Variants in TEAD3 observed in about 807,000 individuals in gnomAD.
TEAD3 encodes the protein TEA domain transcription factor 3.
TEAD3 carries 15 observed loss-of-function variants against 55.6 expected under a neutral mutation model. That is an observed-to-expected ratio of 0.27 (90% CI 0.18 to 0.42). The LOEUF (loss-of-function observed/expected upper bound fraction) is 0.42, where lower values mean the gene tolerates loss of function less well. TEAD3 is among the 10% of genes least tolerant of loss of function. TEAD3 has a pLI of 1.00. For synonymous variants in TEAD3, 210 were observed against 232.2 expected, an observed-to-expected ratio of 0.90 and a Z score of 0.87; for missense variants, 407 against 576.8, an observed-to-expected ratio of 0.71 and a Z score of 3.01.
rs371025879 is a variant in TEAD3, at chr6:35,491,263, G to A, written c.-49-4552C>T. 2.0e-5 allele frequency among the ~76,000 whole-genome samples: 3 copies of A among 151,734 alleles called. No individual in the cohort carries two copies. Among genetic ancestry groups the A allele is most frequent in the East Asian group, 3.9e-4 (2 of 5,126 alleles). ...CCACAGACTGACAGACAGAGCCGGT[G>A]GGGGGTGAAGGGAGAAGGGGAGAAG... On this transcript the variant is annotated intron_variant, in intron 1 of 12. Transcript: ENST00000639578. This position sits in a 1 kb window ranked among gnomAD's most constrained non-coding sequence, Gnocchi z 4.4.
intron 1 of TEAD3, among the ~76,000 whole-genome samples, chr6:35,492,673 A>C (rs1768552665): frequency 7.0e-6 from 1 of 142,438 alleles, no homozygotes; most frequent in Admixed American, 7.5e-5. Flanking sequence ...CCTCCTCCCC[A>C]CACTACTTGG....
At chr6:35,490,189 C>T (rs561277425) in intron 1 of TEAD3, among the ~76,000 whole-genome samples, 2 of 152,290 alleles carry the variant, frequency 1.3e-5, no homozygotes, top group South Asian at 4.1e-4. Flanking sequence ...CAGGCTGTGG[C>T]CCCCCCTTCT....
At chr6:35,493,684 C>T (rs529558929) in intron 1 of TEAD3, among the ~76,000 whole-genome samples, 2 of 152,362 alleles carry the variant, frequency 1.3e-5, no homozygotes, top group South Asian at 2.1e-4. Flanking sequence ...ATCTCACATG[C>T]TGCGTCACAA....
In TEAD3 at chr6:35,484,291, C is replaced by A. The variant is rs1022491009; in HGVS notation, c.267+269G>T. The stretch of plus-strand genomic sequence containing the variant: ...CAGCCCCGTGGGCTTATCTGTGGTC[C>A]CTGAACCACAGGCCCTGGGCAGGGT... On this transcript the variant is annotated intron_variant, in intron 3 of 12. Coordinates refer to ENST00000639578, the Ensembl canonical transcript of TEAD3. The surrounding 1 kb of genome is among the most constrained non-coding windows in gnomAD (Gnocchi z 5.8). 2.6e-5 allele frequency among the ~76,000 whole-genome samples: 4 copies of A among 152,176 alleles called. No homozygotes were observed. The highest frequency in any genetic ancestry group is 5.9e-5 in the Non-Finnish European group (4 of 68,022).
In TEAD3 at chr6:35,478,579, G is replaced by GA; in HGVS notation, c.343-9dup. The stretch of plus-strand genomic sequence containing the variant: ...GTCCTTGGAGACCTGGTCCTGGGGA[G>GA]AGGAGGCTGCATGAAGCCAGGGCCA... On this transcript the variant is annotated splice_polypyrimidine_tract_variant and intron_variant, in intron 5 of 12. Coordinates refer to ENST00000639578, the Ensembl canonical transcript of TEAD3. The GA allele has an allele frequency of 6.3e-7, 1 of 1,579,314 alleles. No individual in the cohort carries two copies. The highest frequency in any genetic ancestry group is 8.6e-7 in the Non-Finnish European group (1 of 1,162,918).
Position 35,486,474 on chromosome 6 carries a change from C to T in TEAD3, c.189G>A (p.Glu63=). 1 of 1,612,944 alleles carries T rather than the reference C, an allele frequency of 6.2e-7. No individual in the cohort carries two copies. The highest frequency in any genetic ancestry group is 8.5e-7 in the Non-Finnish European group (1 of 1,179,512). ...CCCGGCACGCACCGTACATCTTGCCCTCGTCTGACAGGATGATCTTCCGCC... is the reference window on the plus strand; with the variant it reads ...CCCGGCACGCACCGTACATCTTGCCTTCGTCTGACAGGATGATCTTCCGCC... The change falls in exon 2 of 13, where the codon GAG becomes GAA. Residue 63 remains glutamate, a synonymous_variant. Transcript: ENST00000639578. This position sits in a 1 kb window ranked among gnomAD's most constrained non-coding sequence, Gnocchi z 7.3.
chr6:35,485,107 G>A lies in TEAD3; in HGVS notation c.203-483C>T, dbSNP rs1454746302. Among the ~76,000 whole-genome samples the A allele has an allele frequency of 6.6e-6, 1 of 152,180 alleles. No individual in the cohort carries two copies. The highest frequency in any genetic ancestry group is 2.4e-5 in the African/African-American group (1 of 41,438). ...TGAGCCTGCCCCAGGTGGATGTCCTGCCCTTGCTCTGTCTTTACCCTGGTC... is the reference window on the plus strand; with the variant it reads ...TGAGCCTGCCCCAGGTGGATGTCCTACCCTTGCTCTGTCTTTACCCTGGTC... On this transcript the variant is annotated intron_variant, in intron 2 of 12. Coordinates refer to ENST00000639578, the Ensembl canonical transcript of TEAD3. This position sits in a 1 kb window ranked among gnomAD's most constrained non-coding sequence, Gnocchi z 4.3.
At position 35,488,271 on chromosome 6, in the gene TEAD3, C is replaced by G. The variant is rs1768430723; in HGVS notation, c.-49-1560G>C. ...GCCCGTAAACCACCAACACGCCCGC[C>G]CCCGCCCTGGCCCATCCTACATGTG... On this transcript the variant is annotated intron_variant, in intron 1 of 12. Transcript: ENST00000639578. This position sits in a 1 kb window ranked among gnomAD's most constrained non-coding sequence, Gnocchi z 4.2. Among the ~76,000 whole-genome samples the G allele has an allele frequency of 6.6e-6, 1 of 152,124 alleles. No homozygotes were observed. The highest frequency in any genetic ancestry group is 1.5e-5 in the Non-Finnish European group (1 of 68,022).
chr6:35,473,838 T>A (rs951339150), downstream of TEAD3: 11 of 151,768 alleles, frequency 7.2e-5, no homozygotes, highest in Admixed American at 2.0e-4. Flanking sequence ...TCGGGCAGGG[T>A]CGGGATGAGG....
At position 35,496,375 on chromosome 6, in the gene TEAD3, C is replaced by T. The variant is rs562945561; in HGVS notation, c.-50+523G>A. On this transcript the variant is annotated intron_variant, in intron 1 of 12. Transcript: ENST00000639578. The surrounding 1 kb of genome is among the most constrained non-coding windows in gnomAD (Gnocchi z 4.8). ...CGCGGCTTTGGTCCCAGACACCCTC[C>T]ACAACCCAGCGCAGCCGCGGCACCG... Among the ~76,000 whole-genome samples the T allele has an allele frequency of 7.9e-5, 12 of 152,250 alleles. No individual in the cohort carries two copies. Among genetic ancestry groups the T allele is most frequent in the Admixed American group, 3.9e-4 (6 of 15,294 alleles).
In TEAD3 at chr6:35,475,441, G is replaced by C. The variant is rs781711294; in HGVS notation, c.1089C>G (p.His363Gln). 1.2e-6 allele frequency: 2 copies of C among 1,613,842 alleles called. No homozygotes were observed. Among genetic ancestry groups the C allele is most frequent in the East Asian group, 4.5e-5 (2 of 44,880 alleles). Residue 363 changes from histidine (H) to glutamine (Q), a missense_variant, in exon 12 of 13, where the codon CAC (histidine) becomes CAG (glutamine). Physicochemically the swap from His to Gln is conservative, Grantham distance 24. Coordinates refer to ENST00000639578, the Ensembl canonical transcript of TEAD3. The surrounding 1 kb of genome is among the most constrained non-coding windows in gnomAD (Gnocchi z 5.4). ...TCATGTACTCGCACATGGGCGAGCG[G>C]TGGATACGGTACACAAAGCGCCCGT...
Position 35,486,731 on chromosome 6 carries a change from G to C in TEAD3, c.-49-20C>G. ...CTGAGCCTGGGGGACAGACAGACAG[G>C]AACTGGGACCAGGGTCCTCCTCGAC... is the stretch of plus-strand genomic sequence containing the variant. On this transcript the variant is annotated intron_variant, in intron 1 of 12. Coordinates refer to ENST00000639578, the Ensembl canonical transcript of TEAD3. The surrounding 1 kb of genome is among the most constrained non-coding windows in gnomAD (Gnocchi z 7.3). 6.5e-7 allele frequency: 1 copy of C among 1,537,042 alleles called. No individual in the cohort carries two copies. Among genetic ancestry groups the C allele is most frequent in the Non-Finnish European group, 8.9e-7 (1 of 1,125,336 alleles).
In TEAD3 at chr6:35,491,453, G is replaced by C. The variant is rs1384955571; in HGVS notation, c.-49-4742C>G. 6.6e-6 allele frequency among the ~76,000 whole-genome samples: 1 copy of C among 152,122 alleles called. No homozygotes were observed. Among genetic ancestry groups the C allele is most frequent in the East Asian group, 1.9e-4 (1 of 5,198 alleles). On this transcript the variant is annotated intron_variant, in intron 1 of 12. Coordinates refer to ENST00000639578, the Ensembl canonical transcript of TEAD3. The surrounding 1 kb of genome is among the most constrained non-coding windows in gnomAD (Gnocchi z 4.4). Reference sequence around the variant, plus strand: ...AGACAGGGACAAGGACAGAGACCCAGAGGCCAAGGCAAAACAGAGGGAGGG... The same window carrying C: ...AGACAGGGACAAGGACAGAGACCCACAGGCCAAGGCAAAACAGAGGGAGGG...
chr6:35,489,934 T>C (rs907648147), intron 1 of TEAD3, among the ~76,000 whole-genome samples: 1 of 151,996 alleles, frequency 6.6e-6, no homozygotes, highest in African/African-American at 2.4e-5. Flanking sequence ...AGGGGTGTGC[T>C]AGCTGGGTGG....
Position 35,475,496 on chromosome 6 carries a change from G to T in TEAD3, c.1042-8C>A, listed in dbSNP as rs766085894. ...CAGCCTGGCATACTCAGTCTGCAGA[G>T]AATATGGAGAAGGCGTCACTCGGCC... On this transcript the variant is annotated splice_polypyrimidine_tract_variant and splice_region_variant and intron_variant, in intron 11 of 12. Transcript: ENST00000639578. The surrounding 1 kb of genome is among the most constrained non-coding windows in gnomAD (Gnocchi z 5.4). 5.0e-6 allele frequency: 8 copies of T among 1,609,350 alleles called. No homozygotes were observed. The African/African-American group carries it at 8.0e-5, about 16-fold the overall frequency.
rs985123362 is a variant in TEAD3 at position 35,484,442 on chromosome 6, G to C, written c.267+118C>G. On this transcript the variant is annotated intron_variant, in intron 3 of 12. Transcript: ENST00000639578. This position sits in a 1 kb window ranked among gnomAD's most constrained non-coding sequence, Gnocchi z 5.8. ...AGGGGAGTGTGATGAGGCAAGGAGG[G>C]TGGCAGTCCAGGTCAGGGGCAGCCT... is the stretch of plus-strand genomic sequence containing the variant. 34 of 932,404 alleles carry C rather than the reference G, an allele frequency of 3.6e-5. No homozygotes were observed. In the East Asian group the frequency reaches 8.1e-4, roughly 22 times the overall value. 57.8% of individuals were successfully genotyped at this position (932,404 alleles called of 1,614,324 possible). A position where few individuals can be genotyped will look rare whatever the true frequency, so the allele number is the denominator to read the frequency against.
rs1464171331 is a variant in TEAD3, at chr6:35,484,981, T to C, written c.203-357A>G. Among the ~76,000 whole-genome samples the C allele has an allele frequency of 6.6e-6, 1 of 152,136 alleles. No homozygotes were observed. Among genetic ancestry groups the C allele is most frequent in the Non-Finnish European group, 1.5e-5 (1 of 67,998 alleles). ...CAGGACAGTAGCTGAGTAGGGCCTG[T>C]CCTGGCCAGGCACGCCCATCCTCCC... On this transcript the variant is annotated intron_variant, in intron 2 of 12. Transcript: ENST00000639578. The surrounding 1 kb of genome is among the most constrained non-coding windows in gnomAD (Gnocchi z 5.8).
Position 35,496,023 on chromosome 6 carries a change from A to G in TEAD3, c.-50+875T>C, listed in dbSNP as rs925021823. Among the ~76,000 whole-genome samples the G allele has an allele frequency of 2.6e-5, 4 of 152,178 alleles. No individual in the cohort carries two copies. Among genetic ancestry groups the G allele is most frequent in the African/African-American group, 7.2e-5 (3 of 41,460 alleles). ...GGAAAGTTGACAGAGCGGGGTCTCA[A>G]TGACACTGCCCCAGGGCCCAGCTGG... On this transcript the variant is annotated intron_variant, in intron 1 of 12. Transcript: ENST00000639578. This position sits in a 1 kb window ranked among gnomAD's most constrained non-coding sequence, Gnocchi z 4.8.
rs189454679 is a variant in TEAD3, at chr6:35,480,863, C to T, written c.268-741G>A. Among the ~76,000 whole-genome samples, 48 of 152,296 alleles carry T rather than the reference C, an allele frequency of 3.2e-4. 2 individuals carry two copies. The highest frequency in any genetic ancestry group is 3.1e-3 in the Admixed American group (48 of 15,302). ...AAGGGTGACTTTTTCTCACTGGTGTCCTCAGAGGAGACAACCTTTTTCTTA... is the reference window on the plus strand; with the variant it reads ...AAGGGTGACTTTTTCTCACTGGTGTTCTCAGAGGAGACAACCTTTTTCTTA... On this transcript the variant is annotated intron_variant, in intron 3 of 12. Transcript: ENST00000639578.
Sources: allele counts gnomAD v4.1 joint callset (sites outside exome capture counted in the v4.1 genomes callset), GRCh38; gene constraint gnomAD v4.1.1; non-coding constraint Gnocchi (gnomAD v3.1); transcripts MANE v1.5; gene names NCBI Gene and HGNC (gene_info 2026-07-23, HGNC 2026-07-21).